Variants in RANBP2 observed in about 807,000 individuals in gnomAD.
RANBP2 encodes RAN binding protein 2.
In RANBP2, 57 loss-of-function variants were observed where a neutral mutation model predicts 303.6. That is an observed-to-expected ratio of 0.19 (90% CI 0.15 to 0.23). The LOEUF is 0.23. RANBP2 is among the 10% of genes least tolerant of loss of function. RANBP2 has a pLI of 1.00. For synonymous variants in RANBP2, 1,167 were observed against 1,301.5 expected (o/e 0.90, Z 2.23); for missense variants, 3,138 against 3,780.8 (o/e 0.83, Z 4.46).
the RANBP2 span, among the ~76,000 whole-genome samples, chr2:109,185,287 A>G: frequency 1.3e-5 from 2 of 152,252 alleles, no homozygotes; most frequent in African/African-American, 4.8e-5. Flanking sequence ...CGATGTGAAT[A>G]AAATCCCATG....
the RANBP2 span, among the ~76,000 whole-genome samples, chr2:108,855,756 T>G: frequency 6.6e-6 from 1 of 152,200 alleles, no homozygotes; most frequent in African/African-American, 2.4e-5. Context: ...TTCTCATTCT[T>G]AATAACCAGG....
chr2:109,661,977 C>G, the RANBP2 span, among the ~76,000 whole-genome samples: 648 of 152,292 alleles, frequency 4.3e-3, 5 homozygotes, highest in African/African-American at 0.014. Flanking sequence ...TTTCATGCCT[C>G]CTGCTGCAGG....
At chr2:108,727,306 C>A (rs1176105152) in intron 1 of RANBP2, among the ~76,000 whole-genome samples, 1 of 152,156 alleles carries the variant, frequency 6.6e-6, no homozygotes, top group Non-Finnish European at 1.5e-5. Flanking sequence ...AAGAACAAAT[C>A]TTTTGTCCAT....
At chr2:108,910,510 C>G in the RANBP2 span, 1 of 1,613,882 alleles carries the variant, frequency 6.2e-7, no homozygotes, top group Non-Finnish European at 8.5e-7. Flanking sequence ...ATTCATCCTT[C>G]TCGGAGAACA....
At chr2:109,133,088 G>T in the RANBP2 span, among the ~76,000 whole-genome samples, 5 of 152,344 alleles carry the variant, frequency 3.3e-5, no homozygotes, top group African/African-American at 9.6e-5. Context: ...GCTGACAGTA[G>T]AGGTAGTGAG....
At chr2:109,571,562 G>C in the RANBP2 span, among the ~76,000 whole-genome samples, 12 of 152,324 alleles carry the variant, frequency 7.9e-5, no homozygotes, top group Non-Finnish European at 1.5e-4. Flanking sequence ...TCTAAACACA[G>C]AAACATATAA....
chr2:108,750,269 A>G (rs895784838), intron 9 of RANBP2, among the ~76,000 whole-genome samples: 3 of 152,272 alleles, frequency 2.0e-5, no homozygotes, highest in African/African-American at 7.2e-5. Flanking sequence ...CAGTCTCTGT[A>G]TTAAAACTAT....
chr2:109,024,768 G>A, the RANBP2 span, among the ~76,000 whole-genome samples: 1 of 152,064 alleles, frequency 6.6e-6, no homozygotes, highest in Admixed American at 6.6e-5. Context: ...ACTGGAAGAG[G>A]GGAAGAAAAT....
chr2:109,586,930 C>T, the RANBP2 span, among the ~76,000 whole-genome samples: 31 of 152,184 alleles, frequency 2.0e-4, no homozygotes, highest in African/African-American at 7.5e-4. Flanking sequence ...GTTCAAGACT[C>T]TGCAGAAGAA....
the RANBP2 span, among the ~76,000 whole-genome samples, chr2:109,249,532 T>TCTTTCTTTCTTTCC: frequency 2.1e-5 from 2 of 96,450 alleles, no homozygotes; most frequent in Admixed American, 1.1e-4. Flanking sequence ...TCTTTCTTTC[T>TCTTTCTTTCTTTCC]TTCCTTCCTT....
the RANBP2 span, among the ~76,000 whole-genome samples, chr2:109,038,111 A>G: frequency 6.6e-6 from 1 of 152,226 alleles, no homozygotes; most frequent in African/African-American, 2.4e-5. Flanking sequence ...GTGGCAGAAC[A>G]GAAAACCCAG....
At chr2:109,075,579 C>CAAAAAAAAAAAAA in the RANBP2 span, among the ~76,000 whole-genome samples, 1 of 109,692 alleles carries the variant, frequency 9.1e-6, no homozygotes, top group Non-Finnish European at 1.9e-5. Context: ...CTTAGACAAA[C>CAAAAAAAAAAAAA]AAAAAAAAAA....
the RANBP2 span, among the ~76,000 whole-genome samples, chr2:109,473,284 C>T: frequency 4.4e-4 from 67 of 152,302 alleles, no homozygotes; most frequent in African/African-American, 1.5e-3. Context: ...GGGGTTGGGC[C>T]CTGCAGAGCC....
intron 25 of RANBP2, among the ~76,000 whole-genome samples, chr2:108,778,581 C>T (rs1244848640): frequency 1.3e-5 from 2 of 152,154 alleles, no homozygotes; most frequent in Non-Finnish European, 2.9e-5. Flanking sequence ...TGATATATTA[C>T]AAATACTTTT....
chr2:109,688,324 G>A, the RANBP2 span, among the ~76,000 whole-genome samples: 1 of 152,142 alleles, frequency 6.6e-6, no homozygotes, highest in Non-Finnish European at 1.5e-5. Context: ...TTCCTCAGAG[G>A]ACATCCTCTG....
the RANBP2 span, among the ~76,000 whole-genome samples, chr2:109,369,929 A>G: frequency 0.13 from 19,733 of 152,184 alleles, 1,431 homozygotes; most frequent in Middle Eastern, 0.24. Flanking sequence ...GGCTCCTTGG[A>G]AAGGCGGGTG....
chr2:109,474,148 G>A, the RANBP2 span, among the ~76,000 whole-genome samples: 1 of 152,128 alleles, frequency 6.6e-6, no homozygotes, highest in South Asian at 2.1e-4. Context: ...GGTGGCCAGG[G>A]AAGCTTGGCC....
the RANBP2 span, among the ~76,000 whole-genome samples, chr2:109,054,084 T>C: frequency 6.6e-6 from 1 of 152,184 alleles, no homozygotes; most frequent in Non-Finnish European, 1.5e-5. Flanking sequence ...GTGTGGGGTC[T>C]CAGCATGCCC....
At chr2:109,536,317 C>T in the RANBP2 span, among the ~76,000 whole-genome samples, 2 of 152,204 alleles carry the variant, frequency 1.3e-5, no homozygotes, top group African/African-American at 4.8e-5. Flanking sequence ...CTGCCCAAGA[C>T]CATGGGAACC....
Sources: allele counts gnomAD v4.1 joint callset (sites outside exome capture counted in the v4.1 genomes callset), GRCh38; gene constraint gnomAD v4.1.1; transcripts MANE v1.5; gene names NCBI Gene and HGNC (gene_info 2026-07-23, HGNC 2026-07-21).